Variants in RSPH14 observed in about 807,000 individuals in gnomAD.
The protein encoded by RSPH14 is radial spoke head 14 homolog.
RSPH14 carries 20 observed loss-of-function variants against 26.7 expected under a neutral mutation model. The observed-to-expected ratio is 0.75, with a 90% CI of 0.53 to 1.09. RSPH14 has a LOEUF of 1.09. Ranked by LOEUF, RSPH14 falls within the 50% of genes least tolerant of loss-of-function variation. The pLI is 0.00. For missense variants in RSPH14, 449 were observed against 457.2 expected (o/e 0.98, Z 0.16); for synonymous variants, 177 against 189.3 (o/e 0.93, Z 0.53).
chr22:23,067,069 T>G (rs934847541), intron 4 of RSPH14, among the ~76,000 whole-genome samples: 1 of 151,996 alleles, frequency 6.6e-6, no homozygotes, highest in East Asian at 1.9e-4. Context: ...CTCAAATGTA[T>G]GTGTTTGTGG....
At chr22:23,119,675 C>T (rs189483154) in intron 4 of RSPH14, among the ~76,000 whole-genome samples, 1 of 152,358 alleles carries the variant, frequency 6.6e-6, no homozygotes, top group East Asian at 1.9e-4. Flanking sequence ...AAGGCTCAGC[C>T]TGCGTCAGGG....
chr22:23,060,298 C>T (rs1013411333), intron 6 of RSPH14, among the ~76,000 whole-genome samples: 2 of 151,962 alleles, frequency 1.3e-5, no homozygotes, highest in Non-Finnish European at 1.5e-5. Flanking sequence ...AGTGAAACCC[C>T]GTCTCTATTA....
chr22:23,136,304 C>T (rs971896667), intron 3 of RSPH14: 5 of 701,950 alleles, frequency 7.1e-6, no homozygotes, highest in Non-Finnish European at 1.3e-5. Context: ...ATCCTCATTC[C>T]CCCTTCCTGT....
intron 4 of RSPH14, among the ~76,000 whole-genome samples, chr22:23,125,214 G>A (rs1339568463): frequency 6.6e-6 from 1 of 152,160 alleles, no homozygotes; most frequent in Non-Finnish European, 1.5e-5. Context: ...CATCACGAGA[G>A]GAAAGAAACT....
At chr22:23,169,901 G>A in the RSPH14 span, among the ~76,000 whole-genome samples, 3 of 152,000 alleles carry the variant, frequency 2.0e-5, no homozygotes, top group Non-Finnish European at 4.4e-5. Context: ...TCAGGAATTC[G>A]AGAACAGGGC....
chr22:23,123,056 C>T, intron 4 of RSPH14: 1 of 1,465,744 alleles, frequency 6.8e-7, no homozygotes, highest in South Asian at 1.1e-5. Flanking sequence ...TGCTGCGGGC[C>T]TGATTAACGC....
the RSPH14 span, among the ~76,000 whole-genome samples, chr22:23,154,980 C>T: frequency 1.3e-5 from 2 of 152,228 alleles, no homozygotes; most frequent in South Asian, 4.1e-4. Flanking sequence ...ACAAAATTAG[C>T]CAGGCACAGT....
chr22:23,159,066 G>T, the RSPH14 span: 10 of 1,588,262 alleles, frequency 6.3e-6, no homozygotes, highest in Non-Finnish European at 8.6e-6. Flanking sequence ...TGGGGAGGGA[G>T]GGAGGCAGCA....
At chr22:23,150,148 C>G in the RSPH14 span, 1 of 1,610,884 alleles carries the variant, frequency 6.2e-7, no homozygotes, top group South Asian at 1.1e-5. Flanking sequence ...AACACGGGGA[C>G]TGTCGGGTGA....
intron 4 of RSPH14, among the ~76,000 whole-genome samples, chr22:23,066,677 G>T (rs988643225): frequency 3.3e-5 from 5 of 152,194 alleles, no homozygotes; most frequent in African/African-American, 7.2e-5. Context: ...TTGCTCAAGT[G>T]GGGGTGGGGC....
chr22:23,180,006 G>A, the RSPH14 span: 49 of 349,130 alleles, frequency 1.4e-4, no homozygotes, highest in Non-Finnish European at 2.1e-4. Context: ...CTGACACGAC[G>A]ACTGGGCAGT....
chr22:23,060,031 T>G (rs184819078), intron 6 of RSPH14, among the ~76,000 whole-genome samples: 212 of 152,208 alleles, frequency 1.4e-3, no homozygotes, highest in African/African-American at 5.0e-3. Context: ...ATTTAAAAAT[T>G]ATCCAGATGT....
chr22:23,104,026 G>C (rs911355121), intron 4 of RSPH14, among the ~76,000 whole-genome samples: 1 of 152,142 alleles, frequency 6.6e-6, no homozygotes, highest in African/African-American at 2.4e-5. Flanking sequence ...GGGCCTAGAC[G>C]TTGGGAGCAG....
chr22:23,098,850 C>T (rs573010339), intron 4 of RSPH14, among the ~76,000 whole-genome samples: 23 of 152,366 alleles, frequency 1.5e-4, no homozygotes, highest in South Asian at 2.1e-4. Context: ...GAGGACAGCC[C>T]GTCTCCAGCC....
chr22:23,146,381 G>GT (rs147076751), upstream of RSPH14, among the ~76,000 whole-genome samples: 43,326 of 149,914 alleles, frequency 0.29, 6,889 homozygotes, highest in East Asian at 0.61. Flanking sequence ...TAATTTTTTT[G>GT]GTTTTTTTTT....
At chr22:23,135,352 T>C (rs993517965) in intron 3 of RSPH14, among the ~76,000 whole-genome samples, 11 of 128,304 alleles carry the variant, frequency 8.6e-5, no homozygotes, top group African/African-American at 1.2e-4. Context: ...ATTAGCTGGG[T>C]GTGGTGGCGG....
intron 3 of RSPH14, among the ~76,000 whole-genome samples, chr22:23,137,418 G>A (rs966631301): frequency 1.3e-5 from 2 of 151,004 alleles, no homozygotes; most frequent in African/African-American, 4.9e-5. Context: ...CCAAGCCCAG[G>A]GCTGCTATCC....
chr22:23,169,321 T>C, the RSPH14 span, among the ~76,000 whole-genome samples: 3 of 152,200 alleles, frequency 2.0e-5, no homozygotes, highest in African/African-American at 4.8e-5. Context: ...CTATGGTTGA[T>C]AGATGACAGA....
At chr22:23,108,492 C>CG (rs750454345) in intron 4 of RSPH14, among the ~76,000 whole-genome samples, 97 of 152,300 alleles carry the variant, frequency 6.4e-4, no homozygotes, top group Non-Finnish European at 1.1e-3. Flanking sequence ...AGGAGACAGC[C>CG]GGGAGAGGCC....
Sources: gnomAD v4.1 joint callset for allele counts (sites outside exome capture counted in the v4.1 genomes callset) on GRCh38, gnomAD v4.1.1 for gene constraint, MANE v1.5 for transcripts, NCBI Gene and HGNC (gene_info 2026-07-23, HGNC 2026-07-21) for gene names.